Variants in MMD2 observed in about 807,000 individuals in gnomAD.
MMD2 encodes the protein monocyte to macrophage differentiation associated 2, also known as monocyte to macrophage differentiation factor 2.
A neutral mutation model predicts 33.5 loss-of-function variants in MMD2; 30 were observed. That is an observed-to-expected ratio of 0.90 (90% CI 0.67 to 1.22). The LOEUF is 1.22. Ranked by LOEUF, MMD2 falls within the 50% of genes most tolerant of loss-of-function variation. The pLI is 0.00. For synonymous variants in MMD2, 129 were observed against 123.0 expected, an observed-to-expected ratio of 1.05 and a Z score of -0.32; for missense variants, 364 against 325.4, an observed-to-expected ratio of 1.12 and a Z score of -0.91.
chr7:4,917,543 T>G (rs910178231), intron 3 of MMD2, among the ~76,000 whole-genome samples: 5 of 151,752 alleles, frequency 3.3e-5, no homozygotes, highest in African/African-American at 1.2e-4. Flanking sequence ...ATACAAAAAA[T>G]TAGCCGGGCG....
At chr7:4,939,898 C>T (rs1461249615) in intron 1 of MMD2, among the ~76,000 whole-genome samples, 1 of 152,114 alleles carries the variant, frequency 6.6e-6, no homozygotes, top group Non-Finnish European at 1.5e-5. Flanking sequence ...CAGAACCACA[C>T]TGGCTAATTT....
chr7:4,924,599 A>G (rs1217986559), intron 2 of MMD2, among the ~76,000 whole-genome samples: 3 of 152,208 alleles, frequency 2.0e-5, no homozygotes, highest in African/African-American at 7.2e-5. Flanking sequence ...CGTGAAGGCT[A>G]CAATGGCTGG....
At chr7:4,952,474 A>G (rs1226105084) in intron 1 of MMD2, among the ~76,000 whole-genome samples, 3 of 152,212 alleles carry the variant, frequency 2.0e-5, no homozygotes, top group Non-Finnish European at 2.9e-5. Flanking sequence ...CCCCCCAGGC[A>G]TAGGCCGGGC....
Position 4,946,099 on chromosome 7 carries a change from G to C in MMD2, c.47+12872C>G, listed in dbSNP as rs1000982769. Among the ~76,000 whole-genome samples the C allele has an allele frequency of 6.7e-6, 1 of 150,072 alleles. No individual in the cohort carries two copies. The highest frequency in any genetic ancestry group is 1.5e-5 in the Non-Finnish European group (1 of 67,452). On this transcript the variant is annotated intron_variant, in intron 1 of 6. Transcript: ENST00000401401. The surrounding 1 kb of genome is among the most constrained non-coding windows in gnomAD (Gnocchi z 5.0). ...CGCACGCACACGCACGCACACACACGCATGCACACGCGCACACGCACGCAC... is the reference window on the plus strand; with the variant it reads ...CGCACGCACACGCACGCACACACACCCATGCACACGCGCACACGCACGCAC...
intron 2 of MMD2, 53 bp downstream of exon 2, chr7:4,925,398 C>T (rs1055172915): frequency 6.6e-5 from 93 of 1,405,720 alleles, no homozygotes; most frequent in Non-Finnish European, 7.7e-5. Flanking sequence ...CCCCACCCCC[C>T]TTCCCCGGAA....
At chr7:4,950,424 C>G (rs1378844504) in intron 1 of MMD2, among the ~76,000 whole-genome samples, 1 of 152,108 alleles carries the variant, frequency 6.6e-6, no homozygotes, top group African/African-American at 2.4e-5. Context: ...ATACCACCGT[C>G]ACCACCATCC....
chr7:4,928,454 C>G (rs1785489639), intron 1 of MMD2, among the ~76,000 whole-genome samples: 1 of 151,180 alleles, frequency 6.6e-6, no homozygotes, highest in Admixed American at 6.6e-5. Context: ...TGTTAAGCAC[C>G]TCCTGTATGC....
Position 4,920,319 on chromosome 7 carries a change from G to C in MMD2, c.142C>G (p.Pro48Ala). Residue 48 changes from proline (P) to alanine (A), a missense_variant, in exon 3 of 7, where the codon CCC (proline) becomes GCC (alanine). Physicochemically the swap from Pro to Ala is conservative, Grantham distance 27. Transcript: ENST00000401401. The stretch of plus-strand genomic sequence containing the variant: ...AGGTTGGAGCTGCCCAGGATGCTGG[G>C]GATGATCCAGAACTGGAGGGGCAGG... Reference protein sequence around the residue: ...NCATHAFWIIPSILGSSNLYF... With the variant: ...NCATHAFWIIASILGSSNLYF... 1 of 1,608,362 alleles carries C rather than the reference G, an allele frequency of 6.2e-7. No homozygotes were observed. Among genetic ancestry groups the C allele is most frequent in the Non-Finnish European group, 8.5e-7 (1 of 1,177,810 alleles).
At chr7:4,893,988 C>T in the MMD2 span, among the ~76,000 whole-genome samples, 1 of 152,140 alleles carries the variant, frequency 6.6e-6, no homozygotes, top group Admixed American at 6.6e-5. Context: ...TCAGCAAGGT[C>T]TTTGCGACCT....
intron 1 of MMD2, among the ~76,000 whole-genome samples, chr7:4,930,022 C>A (rs1371561293): frequency 1.3e-5 from 2 of 151,676 alleles, no homozygotes; most frequent in Non-Finnish European, 2.9e-5. Flanking sequence ...GTAATCCCAG[C>A]ACTTTGGGAG....
downstream of MMD2, among the ~76,000 whole-genome samples, chr7:4,902,860 C>T (rs1784812659): frequency 6.6e-6 from 1 of 152,224 alleles, no homozygotes; most frequent in South Asian, 2.1e-4. Flanking sequence ...CCCCAAGCTG[C>T]TCCCACCTCC....
At chr7:4,945,936 G>A (rs966255105) in intron 1 of MMD2, among the ~76,000 whole-genome samples, 1 of 152,168 alleles carries the variant, frequency 6.6e-6, no homozygotes, top group African/African-American at 2.4e-5. Flanking sequence ...CTCTGAAATT[G>A]GTACAAGCCA....
chr7:4,928,107 G>A (rs902879255), intron 1 of MMD2, among the ~76,000 whole-genome samples: 1 of 152,126 alleles, frequency 6.6e-6, no homozygotes. Context: ...ACACAGGCTC[G>A]GAATCAGCTC....
intron 1 of MMD2, among the ~76,000 whole-genome samples, chr7:4,949,339 C>A (rs989168023): frequency 2.6e-5 from 4 of 152,096 alleles, no homozygotes. Flanking sequence ...GCCCACTCCC[C>A]TTCCCAGCCT....
Position 4,907,223 on chromosome 7 carries a change from T to A in MMD2, c.*173A>T. 1 of 625,056 alleles carries A rather than the reference T, an allele frequency of 1.6e-6. No individual in the cohort carries two copies. Among genetic ancestry groups the A allele is most frequent in the South Asian group, 2.0e-5 (1 of 50,810 alleles). The allele number at this position is 625,056 out of a possible 1,614,324, so 38.7% of individuals were successfully genotyped here. A position where few individuals can be genotyped will look rare whatever the true frequency, so the allele number is the denominator to read the frequency against. On this transcript the variant is annotated 3_prime_UTR_variant, in exon 7 of 7. Coordinates refer to ENST00000401401, the MANE Select transcript of MMD2 (RefSeq NM_198403.4). ...TCTGTAAGAATGGCTAAATGCTTTCTTTCTCGCTGGGGACTCGAGGGATGA... is the reference window on the plus strand; with the variant it reads ...TCTGTAAGAATGGCTAAATGCTTTCATTCTCGCTGGGGACTCGAGGGATGA...
intron 1 of MMD2, among the ~76,000 whole-genome samples, chr7:4,949,199 G>C (rs1293811011): frequency 1.3e-5 from 2 of 152,040 alleles, no homozygotes; most frequent in Admixed American, 6.6e-5. Context: ...AATAGAGTGA[G>C]ACTCTGTCTC....
chr7:4,907,722 AG>A (rs1784900410), intron 6 of MMD2, 123 bp from the exon 7 acceptor site: 2 of 827,824 alleles, frequency 2.4e-6, no homozygotes, highest in East Asian at 5.2e-5. Context: ...CCAGACTCCC[AG>A]GTGGGAAGCC....
At chr7:4,912,799 G>A (rs1218815699) in intron 4 of MMD2, among the ~76,000 whole-genome samples, 3 of 151,918 alleles carry the variant, frequency 2.0e-5, no homozygotes, top group Admixed American at 6.6e-5. Context: ...TTCGCCTCCC[G>A]GGTTCAAGTG....
At chr7:4,951,360 G>A (rs868418746) in intron 1 of MMD2, among the ~76,000 whole-genome samples, 7 of 151,984 alleles carry the variant, frequency 4.6e-5, no homozygotes, top group African/African-American at 2.4e-5. Context: ...CTCGGGACTC[G>A]TTGGGACCAG....
Sources: allele counts gnomAD v4.1 joint callset (sites outside exome capture counted in the v4.1 genomes callset), GRCh38; gene constraint gnomAD v4.1.1; non-coding constraint Gnocchi (gnomAD v3.1); transcripts MANE v1.5; gene names NCBI Gene and HGNC (gene_info 2026-07-23, HGNC 2026-07-21).